Variants in ZNF106 observed in about 807,000 individuals in gnomAD.
The protein encoded by ZNF106 is SH3-domain binding protein 3.
ZNF106 carries 67 observed loss-of-function variants against 195.1 expected under a neutral mutation model. The ratio of observed to expected loss-of-function variants is 0.34; its 90% CI spans 0.28 to 0.42. The LOEUF (loss-of-function observed/expected upper bound fraction) is 0.42. Among genes scored for constraint, ZNF106 ranks in the 10% least tolerant of loss-of-function variants. The probability of loss-of-function intolerance (pLI) is 1.00; values close to 1 mark genes in which losing one functional copy is unlikely to be tolerated. For synonymous variants in ZNF106, 784 were observed against 818.6 expected (o/e 0.96, Z 0.72); for missense variants, 2,118 against 2,304.5 (o/e 0.92, Z 1.66).
intron 2 of ZNF106, among the ~76,000 whole-genome samples, chr15:42,468,068 CTTT>C (rs200457966): frequency 2.9e-5 from 3 of 102,110 alleles, no homozygotes; most frequent in African/African-American, 8.1e-5. Context: ...TTCAAAACGC[CTTT>C]TTTTTTTTTT....
chr15:42,450,306 T>A lies in ZNF106; in HGVS notation c.1966A>T (p.Lys656Ter). Residue 656 changes from lysine to a stop codon, truncating the protein, a stop_gained, in exon 5 of 22, where the codon AAG (lysine) becomes TAG (stop). Coordinates refer to ENST00000564754, the MANE Select transcript of ZNF106 (RefSeq NM_001366845.3). LOFTEE classifies it high-confidence loss of function. ...DEKEEDDRIL[K>*]TSRELSTSPC... ...GAAGTGGATAGCTCTCTAGAAGTCT[T>A]CAGGATGCGGTCATCCTCCTCTTTC... The A allele has an allele frequency of 6.2e-7, 1 of 1,614,176 alleles. No individual in the cohort carries two copies. The highest frequency in any genetic ancestry group is 8.5e-7 in the Non-Finnish European group (1 of 1,180,028).
At chr15:42,480,462 A>C (rs940149099) in intron 1 of ZNF106, among the ~76,000 whole-genome samples, 1 of 152,200 alleles carries the variant, frequency 6.6e-6, no homozygotes, top group African/African-American at 2.4e-5. Flanking sequence ...TATTTCATTA[A>C]AGTCAATGAA....
In ZNF106 at chr15:42,424,073, A is replaced by G. The variant is rs1489769497; in HGVS notation, c.5191-13T>C. 1 of 1,610,868 alleles carries G rather than the reference A, an allele frequency of 6.2e-7. No individual in the cohort carries two copies. Among genetic ancestry groups the G allele is most frequent in the Non-Finnish European group, 8.5e-7 (1 of 1,178,892 alleles). ...GATCATTCACCACCTTAAAGAAAAA[A>G]TTAAACAAGTCAGATTCTGTATACG... On this transcript the variant is annotated splice_polypyrimidine_tract_variant and intron_variant, in intron 16 of 21. Transcript: ENST00000564754.
At chr15:42,445,323 T>G (rs1410046082) in intron 7 of ZNF106, among the ~76,000 whole-genome samples, 1 of 152,242 alleles carries the variant, frequency 6.6e-6, no homozygotes, top group Non-Finnish European at 1.5e-5. Flanking sequence ...TATCTACCAC[T>G]GTCTTCACAC....
rs2055683923 is a variant in ZNF106, at chr15:42,444,379, C to T, written c.3361-117G>A. On this transcript the variant is annotated intron_variant, in intron 8 of 21. Transcript: ENST00000564754. ...TCAGAGTGTCTTGACTGCTCTGTGA[C>T]CCAGCCAGCCGCAGGTTTTCTCCAG... 6.9e-6 allele frequency: 5 copies of T among 728,382 alleles called. No homozygotes were observed. In the East Asian group the frequency reaches 1.4e-4, roughly 20 times the overall value. 45.1% of individuals were successfully genotyped at this position (728,382 alleles called of 1,614,324 possible). A position where few individuals can be genotyped will look rare whatever the true frequency, so the allele number is the denominator to read the frequency against.
intron 4 of ZNF106, among the ~76,000 whole-genome samples, chr15:42,454,733 TA>T (rs572101867): frequency 8.1e-4 from 113 of 139,814 alleles, no homozygotes; most frequent in Admixed American, 7.2e-4. Flanking sequence ...AAAATAAAAA[TA>T]AAAAAAAAAA....
chr15:42,441,046 T>TGC (rs2055514005), intron 10 of ZNF106, among the ~76,000 whole-genome samples: 2 of 98,332 alleles, frequency 2.0e-5, no homozygotes, highest in Admixed American at 1.2e-4. Flanking sequence ...TATATATATA[T>TGC]ATGCTAAGTC....
At chr15:42,480,129 T>C (rs1218057868) in intron 1 of ZNF106, among the ~76,000 whole-genome samples, 2 of 152,208 alleles carry the variant, frequency 1.3e-5, no homozygotes, top group African/African-American at 4.8e-5. Context: ...CTAATTTTTG[T>C]TGTTGTTATC....
intron 3 of ZNF106, among the ~76,000 whole-genome samples, chr15:42,460,082 T>C (rs1424644931): frequency 1.3e-5 from 2 of 151,846 alleles, no homozygotes; most frequent in African/African-American, 4.8e-5. Flanking sequence ...CTTAAAACTC[T>C]CTAAAACTAT....
At chr15:42,483,046 A>G (rs1444336029) in intron 1 of ZNF106, among the ~76,000 whole-genome samples, 4 of 152,056 alleles carry the variant, frequency 2.6e-5, no homozygotes, top group Admixed American at 6.6e-5. Context: ...AAAGTTTACT[A>G]TTGGAATTTT....
Position 42,451,428 on chromosome 15 carries a change from T to C in ZNF106, c.844A>G (p.Met282Val), listed in dbSNP as rs777031886. Reference sequence around the variant, plus strand: ...GATTTCTTGTTCCATAGCATAGTCATGTCTTCCATTTGACAGTTAGAATTT... The same window carrying C: ...GATTTCTTGTTCCATAGCATAGTCACGTCTTCCATTTGACAGTTAGAATTT... ...NRNSNCQMEDMTMLWNKKSNK... is the reference protein window; with the variant it reads ...NRNSNCQMEDVTMLWNKKSNK... The change falls in exon 5 of 22, where the codon ATG becomes GTG. Residue 282 changes from methionine (M) to valine (V), a missense_variant. Transcript: ENST00000564754. 15 of 1,614,138 alleles carry C rather than the reference T, an allele frequency of 9.3e-6. No homozygotes were observed. The African/African-American group carries it at 1.7e-4, about 19-fold the overall frequency.
intron 6 of ZNF106, 35 bp from the exon 7 acceptor site, chr15:42,446,693 GT>G: frequency 6.5e-7 from 1 of 1,530,546 alleles, no homozygotes; most frequent in Non-Finnish European, 8.9e-7. Flanking sequence ...AAAATCCAAT[GT>G]GTAAAAGCCA....
At chr15:42,442,522 G>T in intron 9 of ZNF106, 108 bp from the exon 10 acceptor site, 1 of 823,096 alleles carries the variant, frequency 1.2e-6, no homozygotes, top group Non-Finnish European at 1.8e-6. Context: ...TTATAAATAA[G>T]TATATTAGTA....
chr15:42,462,562 C>T (rs2056417486), intron 3 of ZNF106, among the ~76,000 whole-genome samples: 1 of 152,158 alleles, frequency 6.6e-6, no homozygotes, highest in Non-Finnish European at 1.5e-5. Context: ...CACACCATTG[C>T]ACTCCAGCTT....
intron 1 of ZNF106, among the ~76,000 whole-genome samples, chr15:42,490,741 G>C (rs1301967532): frequency 6.6e-6 from 1 of 152,168 alleles, no homozygotes; most frequent in African/African-American, 2.4e-5. Context: ...TTTCCTTCTG[G>C]GGCTGGGAGC....
At chr15:42,441,538 C>T (rs776233022) in intron 10 of ZNF106, among the ~76,000 whole-genome samples, 3 of 152,120 alleles carry the variant, frequency 2.0e-5, no homozygotes, top group Non-Finnish European at 4.4e-5. Context: ...TTTTACATAG[C>T]TTAGACGTAT....
rs552906177 is a variant in ZNF106 at position 42,435,237 on chromosome 15, G to A, written c.4881+147C>T. The stretch of plus-strand genomic sequence containing the variant: ...TATGTGTAAGTCTCATATCTACCTA[G>A]GGCTACAACAATGTGCTAAACATTG... On this transcript the variant is annotated intron_variant, in intron 14 of 21. Coordinates refer to ENST00000564754, the MANE Select transcript of ZNF106 (RefSeq NM_001366845.3). The A allele has an allele frequency of 1.6e-5, 18 of 1,103,980 alleles. No homozygotes were observed. In the South Asian group the frequency reaches 1.8e-4, roughly 11 times the overall value. 68.4% of individuals were successfully genotyped at this position (1,103,980 alleles called of 1,614,324 possible).
intron 9 of ZNF106, among the ~76,000 whole-genome samples, chr15:42,443,441 G>C (rs1318985837): frequency 6.6e-6 from 1 of 151,812 alleles, no homozygotes; most frequent in African/African-American, 2.4e-5. Flanking sequence ...GGACTATCCT[G>C]GGAAACACTG....
At chr15:42,485,106 G>A (rs1269847786) in intron 1 of ZNF106, among the ~76,000 whole-genome samples, 1 of 152,154 alleles carries the variant, frequency 6.6e-6, no homozygotes. Flanking sequence ...CCAAGACCAT[G>A]CCACTGCACT....
Sources: allele counts gnomAD v4.1 joint callset (sites outside exome capture counted in the v4.1 genomes callset), GRCh38; gene constraint gnomAD v4.1.1; transcripts MANE v1.5; gene names NCBI Gene and HGNC (gene_info 2026-07-23, HGNC 2026-07-21).